PACS1: variants seen among roughly 807,000 people sequenced by gnomAD.
The protein encoded by PACS1 is phosphofurin acidic cluster sorting protein 1.
Under a neutral mutation model 115.0 loss-of-function variants are expected in PACS1, and 24 were observed. The ratio of observed to expected loss-of-function variants is 0.21; its 90% CI spans 0.15 to 0.29. The LOEUF is 0.29. PACS1 is among the 10% of genes least tolerant of loss of function. The pLI is 1.00. For synonymous variants in PACS1, 453 were observed against 504.5 expected, an observed-to-expected ratio of 0.90 and a Z score of 1.37; for missense variants, 838 against 1,251.2, an observed-to-expected ratio of 0.67 and a Z score of 4.98.
chr11:66,160,349 T>C (rs1010070477), intron 1 of PACS1, among the ~76,000 whole-genome samples: 2 of 152,218 alleles, frequency 1.3e-5, no homozygotes, highest in Non-Finnish European at 2.9e-5. Flanking sequence ...GATTAAATTA[T>C]ATACATTGCA....
chr11:66,122,468 G>C (rs1858467352), intron 1 of PACS1, among the ~76,000 whole-genome samples: 2 of 152,262 alleles, frequency 1.3e-5, no homozygotes, highest in Admixed American at 6.5e-5. Flanking sequence ...ATTTTGTAAG[G>C]TTATAGCTGC....
At chr11:66,189,424 TCTG>T (rs1854464993) in intron 1 of PACS1, among the ~76,000 whole-genome samples, 1 of 152,218 alleles carries the variant, frequency 6.6e-6, no homozygotes, top group African/African-American at 2.4e-5. Context: ...TATTTATTGG[TCTG>T]TGATGTTTTT....
At chr11:66,225,857 A>G (rs1855461015) in intron 10 of PACS1, among the ~76,000 whole-genome samples, 1 of 152,180 alleles carries the variant, frequency 6.6e-6, no homozygotes. Flanking sequence ...GAGCTTTTCC[A>G]TGATTCTAGA....
intron 1 of PACS1, among the ~76,000 whole-genome samples, chr11:66,104,707 T>C (rs763946324): frequency 5.3e-5 from 8 of 152,236 alleles, no homozygotes; most frequent in Non-Finnish European, 1.2e-4. Context: ...CTTTGTGATA[T>C]ACAGGGGTAT....
At chr11:66,131,526 C>G (rs1158384691) in intron 1 of PACS1, among the ~76,000 whole-genome samples, 1 of 152,192 alleles carries the variant, frequency 6.6e-6, no homozygotes, top group Non-Finnish European at 1.5e-5. Flanking sequence ...TACCTGCTAA[C>G]TTTGTTTGTG....
intron 1 of PACS1, among the ~76,000 whole-genome samples, chr11:66,077,162 C>T (rs76636123): frequency 0.017 from 2,633 of 152,316 alleles, 87 homozygotes; most frequent in African/African-American, 0.061. Flanking sequence ...ACTCAGGGAT[C>T]GCCACTTAGG....
intron 1 of PACS1, among the ~76,000 whole-genome samples, chr11:66,123,960 G>T (rs1000196124): frequency 2.6e-5 from 4 of 152,030 alleles, no homozygotes; most frequent in Non-Finnish European, 4.4e-5. Flanking sequence ...TTATTGCAGT[G>T]GTCTGGAACT....
chr11:66,150,853 A>G (rs867062684), intron 1 of PACS1, among the ~76,000 whole-genome samples: 1 of 152,230 alleles, frequency 6.6e-6, no homozygotes, highest in Admixed American at 6.5e-5. Flanking sequence ...GACTCCTGAA[A>G]CACTATAATA....
intron 1 of PACS1, among the ~76,000 whole-genome samples, chr11:66,081,658 C>T (rs750533285): frequency 2.6e-5 from 4 of 152,134 alleles, no homozygotes; most frequent in African/African-American, 4.8e-5. Flanking sequence ...CTTATATGAA[C>T]GGAAGAGATG....
intron 1 of PACS1, among the ~76,000 whole-genome samples, chr11:66,136,910 GCTCTCCA>G (rs1200310603): frequency 7.9e-5 from 12 of 152,122 alleles, no homozygotes; most frequent in Admixed American, 7.2e-4. Context: ...GCCTCCGTAG[GCTCTCCA>G]GCCTCAGCAT....
In PACS1 at chr11:66,070,423, CG is replaced by C. The variant is rs1316676732; in HGVS notation, c.-59del. ...TGCCGCGCCCCCGCCGCCGCCGCCG[CG>C]GGGGAAGCCTGGGAGCCAGATCGGC... On this transcript the variant is annotated 5_prime_UTR_variant, in exon 1 of 24. Coordinates refer to ENST00000320580, the MANE Select transcript of PACS1 (RefSeq NM_018026.4). The surrounding 1 kb of genome is among the most constrained non-coding windows in gnomAD (Gnocchi z 5.9). 3 of 1,041,390 alleles carry C rather than the reference CG, an allele frequency of 2.9e-6. No individual in the cohort carries two copies. Among genetic ancestry groups the C allele is most frequent in the South Asian group, 4.6e-5 (1 of 21,574 alleles). The allele number at this position is 1,041,390 out of a possible 1,614,324, so 64.5% of individuals were successfully genotyped here. A position where few individuals can be genotyped will look rare whatever the true frequency, so the allele number is the denominator to read the frequency against.
At chr11:66,227,614 T>C in intron 11 of PACS1, 30 bp downstream of exon 11, 1 of 1,399,398 alleles carries the variant, frequency 7.1e-7, no homozygotes, top group Non-Finnish European at 1.0e-6. Flanking sequence ...CTGTTTCAGC[T>C]GTTTCAAATA....
intron 1 of PACS1, among the ~76,000 whole-genome samples, chr11:66,080,793 A>G (rs1014312012): frequency 1.3e-5 from 2 of 152,188 alleles, no homozygotes; most frequent in African/African-American, 4.8e-5. Context: ...AATTTCCATC[A>G]TAGACAGCGA....
chr11:66,219,336 G>A (rs910961940), intron 7 of PACS1, among the ~76,000 whole-genome samples: 14 of 151,836 alleles, frequency 9.2e-5, no homozygotes, highest in Non-Finnish European at 7.4e-5. Flanking sequence ...TAAGAGGATC[G>A]GGGTGCAAGG....
chr11:66,127,451 C>T (rs1468225272), intron 1 of PACS1, among the ~76,000 whole-genome samples: 2 of 152,198 alleles, frequency 1.3e-5, no homozygotes, highest in African/African-American at 4.8e-5. Flanking sequence ...TAGCAGAGAA[C>T]CGCCTGGTCC....
chr11:66,212,930 A>G (rs1054330604), intron 4 of PACS1, among the ~76,000 whole-genome samples: 1 of 152,106 alleles, frequency 6.6e-6, no homozygotes, highest in African/African-American at 2.4e-5. Flanking sequence ...GCTCACTGCA[A>G]CCTCTACCTC....
intron 10 of PACS1, 106 bp from the exon 11 acceptor site, chr11:66,227,398 G>C (rs1855488923): frequency 1.5e-6 from 1 of 685,892 alleles, no homozygotes; most frequent in Non-Finnish European, 2.5e-6. Flanking sequence ...ATTTTATGAG[G>C]TTTGAGATTA....
intron 1 of PACS1, among the ~76,000 whole-genome samples, chr11:66,076,606 TG>T (rs1375436411): frequency 6.6e-6 from 1 of 152,164 alleles, no homozygotes; most frequent in Non-Finnish European, 1.5e-5. Context: ...TTGGCCAGGC[TG>T]GTTTCGAACT....
At position 66,123,453 on chromosome 11, in the gene PACS1, A is replaced by C. The variant is rs567590546; in HGVS notation, c.356+52611A>C. On this transcript the variant is annotated intron_variant, in intron 1 of 23. Transcript: ENST00000320580. ...GTGATCCACCTGCCTCGGCCTCCCA[A>C]AATGCTGGGATTATAGGCGTGAGCC... is the stretch of plus-strand genomic sequence containing the variant. 2.0e-5 allele frequency among the ~76,000 whole-genome samples: 3 copies of C among 152,246 alleles called. No homozygotes were observed. The South Asian group carries it at 6.2e-4, about 32-fold the overall frequency.
Sources: allele counts gnomAD v4.1 joint callset (sites outside exome capture counted in the v4.1 genomes callset), GRCh38; gene constraint gnomAD v4.1.1; non-coding constraint Gnocchi (gnomAD v3.1); transcripts MANE v1.5; gene names NCBI Gene and HGNC (gene_info 2026-07-23, HGNC 2026-07-21).